MED12: variants seen among roughly 807,000 people sequenced by gnomAD.
The protein encoded by MED12 is mediator of RNA polymerase II transcription subunit 12.
Under a neutral mutation model 177.7 loss-of-function variants are expected in MED12, and 10 were observed. The ratio of observed to expected loss-of-function variants is 0.06; its 90% CI spans 0.03 to 0.10. The LOEUF (loss-of-function observed/expected upper bound fraction) is 0.10, where lower values mean the gene tolerates loss of function less well. Among genes scored for constraint, MED12 ranks in the 10% least tolerant of loss-of-function variants. MED12 has a pLI of 1.00. For synonymous variants in MED12, 641 were observed against 678.4 expected (o/e 0.94, Z 0.86); for missense variants, 867 against 1,780.8 (o/e 0.49, Z 9.23).
intron 24 of MED12, 191 bp downstream of exon 24, chrX:71,128,909 C>T (rs2092309797): frequency 6.7e-6 from 4 of 592,681 alleles, no homozygotes; most frequent in Non-Finnish European, 1.1e-5. Flanking sequence ...CAGCCCTGAC[C>T]TTTCCAATTT....
At chrX:71,123,741 C>A (rs921041613) in intron 12 of MED12, 21 bp downstream of exon 12, 1 of 1,177,107 alleles carries the variant, frequency 8.5e-7, no homozygotes, top group Non-Finnish European at 1.1e-6. Context: ...CTACCACTCT[C>A]TAGTTACCTC....
rs370211858 is a variant in MED12 at position 71,132,854 on chromosome X, A to G, written c.4425A>G (p.Leu1475=). The change falls in exon 32 of 45, where the codon CTA becomes CTG. Residue 1475 remains leucine, a synonymous_variant. Transcript: ENST00000374080. ...TTTCTCTTGTCTCTAGCATGTCCCT[A>G]TTGAGCCAGCAGCCCTTCTTATCGC... ...RDRQKQKSMS[L]LSQQPFLSLV... 193 of 1,166,577 alleles carry G rather than the reference A, an allele frequency of 1.7e-4. No individual in the cohort carries two copies. Among genetic ancestry groups the G allele is most frequent in the Non-Finnish European group, 2.0e-4 (175 of 871,848 alleles).
Position 71,134,341 on chromosome X carries a change from G to C in MED12, c.4618-16G>C. 1 of 1,057,590 alleles carries C rather than the reference G, an allele frequency of 9.5e-7. No homozygotes were observed. The highest frequency in any genetic ancestry group is 2.0e-5 in the South Asian group (1 of 50,371). The allele number at this position is 1,057,590 out of a possible 1,213,427, so 87.2% of individuals were successfully genotyped here. ...TGTCCCTGAGCCATCTGACTGACTT[G>C]TTGTGGCCCTGGCAGGTGGGGGGCA... On this transcript the variant is annotated splice_polypyrimidine_tract_variant and intron_variant, in intron 33 of 44. Transcript: ENST00000374080.
chrX:71,132,438 G>A lies in MED12; in HGVS notation c.4315G>A (p.Val1439Ile). ...APLIAKLPTS[V>I]QGHVLKAAGE... The stretch of plus-strand genomic sequence containing the variant: ...CCTCATTGCTAAACTGCCCACCTCA[G>A]TCCAGGGACATGTGTTAAAGGCTGC... The change falls in exon 31 of 45, where the codon GTC becomes ATC. Residue 1439 changes from valine to isoleucine, a missense_variant. This residue lies in a region of MED12 where 17 missense variants were observed against 76.7 expected (regional missense o/e 0.22). Coordinates refer to ENST00000374080, the MANE Select transcript of MED12 (RefSeq NM_005120.3). The A allele has an allele frequency of 8.3e-7, 1 of 1,211,164 alleles. No individual in the cohort carries two copies.
intron 44 of MED12, 85 bp downstream of exon 44, chrX:71,142,049 C>G (rs1201044933): frequency 3.4e-5 from 38 of 1,117,425 alleles, no homozygotes; most frequent in Non-Finnish European, 4.6e-5. Context: ...ACGATAGCTT[C>G]AGGCCCAGGT....
At chrX:71,118,930 T>TG (rs2092281938) in intron 1 of MED12, 77 bp downstream of exon 1, 5 of 711,659 alleles carry the variant, frequency 7.0e-6, no homozygotes, top group Non-Finnish European at 9.5e-6. Context: ...CGGCTGGGAA[T>TG]GGGGGGCGGG....
intron 41 of MED12, among the ~76,000 whole-genome samples, chrX:71,138,484 G>C (rs971505742): frequency 2.7e-5 from 3 of 110,201 alleles, no homozygotes; most frequent in African/African-American, 9.9e-5. Context: ...ACACCACCAC[G>C]CCCAGCTAAT....
rs1569482811 is a variant in MED12 at position 71,141,346 on chromosome X, A to C, written c.6384A>C (p.Gln2128His). ...AGCAGCAACAGGCGGCTCCTCCCCAACCCCAGCCCCAGTCCCAGCCCCAGG... is the reference window on the plus strand; with the variant it reads ...AGCAGCAACAGGCGGCTCCTCCCCACCCCCAGCCCCAGTCCCAGCCCCAGG... ...QQQQQQAAPP[Q>H]PQPQSQPQFQ... is the part of the protein sequence containing the mutation. Residue 2128 changes from glutamine to histidine, a missense_variant, in exon 43 of 45, where the codon CAA becomes CAC. Physicochemically the swap from Gln to His is conservative, Grantham distance 24 (BLOSUM62 0). This residue lies in a region of MED12 where 236 missense variants were observed against 345.2 expected (regional missense o/e 0.68). Coordinates refer to ENST00000374080, the MANE Select transcript of MED12 (RefSeq NM_005120.3). The C allele has an allele frequency of 8.6e-7, 1 of 1,162,283 alleles. No individual in the cohort carries two copies. The highest frequency in any genetic ancestry group is 1.1e-6 in the Non-Finnish European group (1 of 871,171).
chrX:71,122,581 T>C lies in MED12; in HGVS notation c.1322T>C (p.Phe441Ser). 8.3e-7 allele frequency: 1 copy of C among 1,210,290 alleles called. No individual in the cohort carries two copies. The highest frequency in any genetic ancestry group is 1.1e-6 in the Non-Finnish European group (1 of 894,229). The change falls in exon 9 of 45, where the codon TTC becomes TCC. Residue 441 changes from phenylalanine to serine, a missense_variant. By Grantham distance (155) the Phe-to-Ser change is radical. This residue lies in a region of MED12 where 309 missense variants were observed against 556.3 expected (regional missense o/e 0.56). Transcript: ENST00000374080. ...RGQAVEVRWS[F>S]DKCQEATAGF... ...CAGGCAGTTGAAGTTCGCTGGTCTTTCGATAAATGCCAGGAAGCTACTGCA... is the reference window on the plus strand; with the variant it reads ...CAGGCAGTTGAAGTTCGCTGGTCTTCCGATAAATGCCAGGAAGCTACTGCA...
At position 71,128,276 on chromosome X, in the gene MED12, G is replaced by T. The variant is rs1032124326; in HGVS notation, c.3210-20G>T. 1 of 1,211,678 alleles carries T rather than the reference G, an allele frequency of 8.3e-7. No homozygotes were observed. The highest frequency in any genetic ancestry group is 1.1e-6 in the Non-Finnish European group (1 of 895,420). On this transcript the variant is annotated intron_variant, in intron 22 of 44. Coordinates refer to ENST00000374080, the MANE Select transcript of MED12 (RefSeq NM_005120.3). ...TTGTGGAGCAAGGTTTTTCCTGAGG[G>T]CATTTGTACTTTTCCCTAGGGTGAA...
intron 10 of MED12, 107 bp from the exon 11 acceptor site, chrX:71,122,988 A>T: frequency 1.7e-6 from 2 of 1,162,481 alleles, no homozygotes; most frequent in South Asian, 3.6e-5. Context: ...AAATGATCTT[A>T]CTGGGCCCAG....
chrX:71,124,669 T>C, intron 13 of MED12, 95 bp from the exon 14 acceptor site: 1 of 689,873 alleles, frequency 1.4e-6, no homozygotes, highest in African/African-American at 2.1e-5. Flanking sequence ...TTCCCCAATC[T>C]GGTCTTCTCT....
In MED12 at chrX:71,118,829, C is replaced by T; in HGVS notation, c.75C>T (p.Tyr25=). The change falls in exon 1 of 45, where the codon TAC becomes TAT. Residue 25 remains tyrosine, a synonymous_variant. Transcript: ENST00000374080. ...KRPRLGPPDV[Y]PQDPKQKEDE... is the part of the protein sequence containing the mutation. ...CGCGGCTGGGGCCTCCCGATGTTTA[C>T]CCTCAGGACCCCAAACAGAAGGAGG... 6 of 1,208,705 alleles carry T rather than the reference C, an allele frequency of 5.0e-6. No individual in the cohort carries two copies. The South Asian group carries it at 7.1e-5, about 14-fold the overall frequency.
At chrX:71,133,312 C>A in intron 33 of MED12, 100 bp downstream of exon 33, 1 of 571,600 alleles carries the variant, frequency 1.7e-6, no homozygotes, top group Non-Finnish European at 3.0e-6. Flanking sequence ...GATAGAGGCC[C>A]CAGGTTATTC....
At chrX:71,134,230 C>CAAAA (rs35646519) in intron 33 of MED12, 127 bp from the exon 34 acceptor site, 879 of 296,984 alleles carry the variant, frequency 3.0e-3, no homozygotes, top group Non-Finnish European at 3.2e-3. Flanking sequence ...GACTCCGTCT[C>CAAAA]AAAAAAAAAA....
At position 71,121,317 on chromosome X, in the gene MED12, G is replaced by A. The variant is rs764384329; in HGVS notation, c.736-10G>A. ...TAATAGTCCCCTCTTCCCTCCCCTG[G>A]TACCCATAGGATGGAATGCTGGACA... On this transcript the variant is annotated splice_polypyrimidine_tract_variant and intron_variant, in intron 5 of 44. Transcript: ENST00000374080. 1.7e-6 allele frequency: 2 copies of A among 1,207,729 alleles called. No homozygotes were observed. The highest frequency in any genetic ancestry group is 2.2e-6 in the Non-Finnish European group (2 of 892,281).
In MED12 at chrX:71,128,590, T is replaced by A; in HGVS notation, c.3355-8T>A. On this transcript the variant is annotated splice_polypyrimidine_tract_variant and splice_region_variant and intron_variant, in intron 23 of 44. Coordinates refer to ENST00000374080, the MANE Select transcript of MED12 (RefSeq NM_005120.3). ...TGAGTCATGGTGTCTGTCTGTTTTT[T>A]CCTCCAGGTCAGTGACCTATCTTTT... 1 of 1,210,958 alleles carries A rather than the reference T, an allele frequency of 8.3e-7. No homozygotes were observed. The highest frequency in any genetic ancestry group is 1.1e-6 in the Non-Finnish European group (1 of 895,443).
intron 8 of MED12, 63 bp downstream of exon 8, chrX:71,122,409 A>C: frequency 8.4e-7 from 1 of 1,196,444 alleles, no homozygotes; most frequent in East Asian, 3.0e-5. Flanking sequence ...ACTCTTTCAG[A>C]AGTAGTGATT....
At position 71,136,567 on chromosome X, in the gene MED12, A is replaced by T; in HGVS notation, c.5312A>T (p.Lys1771Ile). ...GCTCCAGAGCCCCCCAAAACTGACA[A>T]ACCGGGGGCTGCTCCACCCAGTACT... Reference protein sequence around the residue: ...KKAPEPPKTDKPGAAPPSTEE... With the variant: ...KKAPEPPKTDIPGAAPPSTEE... Residue 1771 changes from lysine (K) to isoleucine (I), a missense_variant, in exon 37 of 45, where the codon AAA becomes ATA. Coordinates refer to ENST00000374080, the MANE Select transcript of MED12 (RefSeq NM_005120.3). 1 of 1,199,322 alleles carries T rather than the reference A, an allele frequency of 8.3e-7. No homozygotes were observed. The highest frequency in any genetic ancestry group is 1.1e-6 in the Non-Finnish European group (1 of 889,726).
Sources: gnomAD v4.1 joint callset for allele counts (sites outside exome capture counted in the v4.1 genomes callset) on GRCh38, gnomAD v4.1.1 for gene constraint, gnomAD v4.1.1 regional missense constraint, MANE v1.5 for transcripts, NCBI Gene and HGNC (gene_info 2026-07-23, HGNC 2026-07-21) for gene names.